The following CUBN variants were observed in gnomAD, a reference collection of about 807,000 sequenced individuals.
CUBN encodes cubilin.
In CUBN, 282 loss-of-function variants were observed where a neutral mutation model predicts 405.3. That is an observed-to-expected ratio of 0.70 (90% CI 0.63 to 0.77). The LOEUF is 0.77. Ranked by LOEUF, CUBN falls within the 30% of genes least tolerant of loss-of-function variation. The pLI is 0.00. For synonymous variants in CUBN, 1,684 were observed against 1,617.0 expected, an observed-to-expected ratio of 1.04 and a Z score of -0.99; for missense variants, 4,514 against 4,475.2, an observed-to-expected ratio of 1.01 and a Z score of -0.25.
At chr10:17,114,757 T>C (rs999004410) in intron 7 of CUBN, among the ~76,000 whole-genome samples, 1 of 152,114 alleles carries the variant, frequency 6.6e-6, no homozygotes, top group Admixed American at 6.5e-5. Flanking sequence ...TGGAGGGTCG[T>C]TCTGGGGAGT....
intron 28 of CUBN, among the ~76,000 whole-genome samples, chr10:16,998,112 A>G (rs1588564767): frequency 6.6e-6 from 1 of 152,214 alleles, no homozygotes; most frequent in East Asian, 1.9e-4. Flanking sequence ...AAGAGGACAA[A>G]ACATCGTGAC....
At chr10:16,871,580 C>T (rs2131370427) in intron 58 of CUBN, among the ~76,000 whole-genome samples, 1 of 152,064 alleles carries the variant, frequency 6.6e-6, no homozygotes, top group South Asian at 2.1e-4. Flanking sequence ...CCACATTTAA[C>T]ATTTAATGTT....
intron 60 of CUBN, among the ~76,000 whole-genome samples, chr10:16,848,935 C>G (rs1839599312): frequency 6.6e-6 from 1 of 151,984 alleles, no homozygotes; most frequent in Non-Finnish European, 1.5e-5. Context: ...AACTTCTGAG[C>G]TCAAGCAATC....
Position 17,087,481 on chromosome 10 carries a change from T to TA in CUBN, c.1947+682_1947+683insT, listed in dbSNP as rs1431609964. On this transcript the variant is annotated intron_variant, in intron 15 of 66. Transcript: ENST00000377833. ...TATTATTTTTCTTTTTCTTTTTTTTTTTTTTTTTTTTTTAGACAGAGCCTC... is the reference window on the plus strand; with the variant it reads ...TATTATTTTTCTTTTTCTTTTTTTTTATTTTTTTTTTTTTAGACAGAGCCTC... 4.0e-3 allele frequency among the ~76,000 whole-genome samples: 503 copies of TA among 125,516 alleles called. 11 individuals are homozygous for TA. The highest frequency in any genetic ancestry group is 5.2e-3 in the Non-Finnish European group (295 of 56,914). 82.3% of individuals were successfully genotyped at this position (125,516 alleles called of 152,430 possible).
intron 59 of CUBN, among the ~76,000 whole-genome samples, chr10:16,860,525 C>T (rs1839984001): frequency 1.3e-5 from 2 of 152,194 alleles, no homozygotes; most frequent in South Asian, 4.1e-4. Context: ...TACTGAGCTT[C>T]TAACTCTCTT....
intron 35 of CUBN, 22 bp from the exon 36 acceptor site, chr10:16,947,389 G>C: frequency 6.2e-7 from 1 of 1,613,700 alleles, no homozygotes. Context: ...TAGAAATAAA[G>C]TGAGTATCAG....
At chr10:16,852,591 C>T (rs978625965) in intron 59 of CUBN, among the ~76,000 whole-genome samples, 4 of 152,136 alleles carry the variant, frequency 2.6e-5, no homozygotes, top group East Asian at 1.9e-4. Flanking sequence ...TTCTTATTCA[C>T]GGAGTTGCTG....
chr10:16,851,494 CA>C, intron 59 of CUBN, 51 bp from the exon 60 acceptor site: 1 of 1,495,414 alleles, frequency 6.7e-7, no homozygotes, highest in Non-Finnish European at 9.3e-7. Flanking sequence ...ACCGACCTTA[CA>C]TTGTACATGG....
chr10:17,108,205 AT>A (rs1308248315), intron 10 of CUBN, among the ~76,000 whole-genome samples: 3 of 152,244 alleles, frequency 2.0e-5, no homozygotes, highest in Non-Finnish European at 2.9e-5. Flanking sequence ...TGCTATTATT[AT>A]CCTCATTTTA....
At chr10:16,880,818 C>T (rs1335596412) in intron 56 of CUBN, among the ~76,000 whole-genome samples, 2 of 152,202 alleles carry the variant, frequency 1.3e-5, no homozygotes, top group Middle Eastern at 6.8e-3. Context: ...TCAAAGAATT[C>T]CCTTATTTTG....
At chr10:16,901,210 A>C in intron 52 of CUBN, 128 bp downstream of exon 52, 4 of 1,288,792 alleles carry the variant, frequency 3.1e-6, no homozygotes, top group Non-Finnish European at 4.5e-6. Context: ...AGGGAAAAAC[A>C]GTGATCTCAT....
intron 22 of CUBN, among the ~76,000 whole-genome samples, chr10:17,053,202 A>T (rs2131828949): frequency 6.6e-6 from 1 of 152,206 alleles, no homozygotes; most frequent in Non-Finnish European, 1.5e-5. Context: ...CAACTACCAT[A>T]ATGGTATGTT....
intron 31 of CUBN, among the ~76,000 whole-genome samples, chr10:16,966,914 A>C (rs984165175): frequency 1.3e-5 from 2 of 152,134 alleles, no homozygotes; most frequent in Non-Finnish European, 2.9e-5. Flanking sequence ...AGAGTCCATG[A>C]GGTATTTTCA....
chr10:16,828,328 G>C (rs1220795633), intron 66 of CUBN, among the ~76,000 whole-genome samples: 1 of 152,152 alleles, frequency 6.6e-6, no homozygotes, highest in African/African-American at 2.4e-5. Context: ...ATGCCCACCA[G>C]ATGGCACTCA....
chr10:17,060,618 A>G (rs1180667456), intron 22 of CUBN, among the ~76,000 whole-genome samples: 4 of 152,262 alleles, frequency 2.6e-5, no homozygotes, highest in African/African-American at 7.2e-5. Flanking sequence ...CTAGCCAGTA[A>G]GAAAGTAAAT....
intron 39 of CUBN, 96 bp downstream of exon 39, chr10:16,937,496 T>G (rs1842543582): frequency 4.8e-6 from 5 of 1,038,360 alleles, no homozygotes; most frequent in Non-Finnish European, 5.9e-6. Context: ...GGGCTGTACT[T>G]ATTTTTATAT....
intron 26 of CUBN, 149 bp from the exon 27 acceptor site, chr10:17,041,369 C>T (rs984891260): frequency 6.1e-6 from 4 of 653,346 alleles, no homozygotes; most frequent in Non-Finnish European, 8.2e-6. Flanking sequence ...TGTATATATA[C>T]ACACACAGAG....
chr10:16,916,371 C>A (rs1841885169), intron 45 of CUBN, among the ~76,000 whole-genome samples: 1 of 152,204 alleles, frequency 6.6e-6, no homozygotes, highest in Non-Finnish European at 1.5e-5. Flanking sequence ...CAAGAACCAA[C>A]TGATAGGCTG....
At chr10:17,053,726 C>T (rs73600110) in intron 22 of CUBN, among the ~76,000 whole-genome samples, 3,495 of 152,142 alleles carry the variant, frequency 0.023, 149 homozygotes, top group African/African-American at 0.079. Context: ...GACTTAAAGC[C>T]AATTGACAGA....
Sources: gnomAD v4.1 joint callset for allele counts (sites outside exome capture counted in the v4.1 genomes callset) on GRCh38, gnomAD v4.1.1 for gene constraint, MANE v1.5 for transcripts, NCBI Gene and HGNC (gene_info 2026-07-23, HGNC 2026-07-21) for gene names.